The following ABCC4 variants were observed in gnomAD, a reference collection of about 807,000 sequenced individuals.
The protein encoded by ABCC4 is ATP binding cassette subfamily C member 4 (PEL blood group), also known as ATP-binding cassette sub-family C member 4.
ABCC4 carries 102 observed loss-of-function variants against 168.5 expected under a neutral mutation model. The observed-to-expected ratio is 0.61, with a 90% CI of 0.52 to 0.71. The LOEUF (loss-of-function observed/expected upper bound fraction) is 0.71. Among genes scored for constraint, ABCC4 ranks in the 30% least tolerant of loss-of-function variants. The probability of loss-of-function intolerance (pLI) is 0.00; values close to 1 mark genes in which losing one functional copy is unlikely to be tolerated. For missense variants in ABCC4, 1,402 were observed against 1,605.8 expected (o/e 0.87, Z 2.17); for synonymous variants, 617 against 590.7 (o/e 1.04, Z -0.65).
intron 8 of ABCC4, among the ~76,000 whole-genome samples, chr13:95,201,220 A>G (rs975460979): frequency 5.3e-5 from 8 of 152,210 alleles, no homozygotes; most frequent in African/African-American, 1.7e-4. Context: ...ACATGCATAC[A>G]TCTATCTACA....
At chr13:95,049,626 G>A (rs2139256071) in intron 27 of ABCC4, among the ~76,000 whole-genome samples, 1 of 151,894 alleles carries the variant, frequency 6.6e-6, no homozygotes, top group African/African-American at 2.4e-5. Context: ...GGATGACAGA[G>A]TGAGACTCTG....
chr13:95,225,026 T>C (rs1484442799), intron 4 of ABCC4, among the ~76,000 whole-genome samples: 1 of 151,904 alleles, frequency 6.6e-6, no homozygotes, highest in Non-Finnish European at 1.5e-5. Context: ...ATCCAGTAAG[T>C]CAGGATGCAA....
chr13:95,024,979 C>G (rs1434015887), intron 30 of ABCC4, among the ~76,000 whole-genome samples: 1 of 151,940 alleles, frequency 6.6e-6, no homozygotes, highest in Non-Finnish European at 1.5e-5. Flanking sequence ...GAAGAGCAAG[C>G]CTCAACAATC....
intron 30 of ABCC4, among the ~76,000 whole-genome samples, chr13:95,024,355 T>A (rs1385002644): frequency 6.6e-6 from 1 of 152,024 alleles, no homozygotes; most frequent in Non-Finnish European, 1.5e-5. Context: ...AAGAAGAGTA[T>A]CAGGTCAGTG....
chr13:95,104,326 C>T (rs1421773806), intron 20 of ABCC4, among the ~76,000 whole-genome samples: 2 of 152,166 alleles, frequency 1.3e-5, no homozygotes, highest in African/African-American at 4.8e-5. Context: ...ATTGGTCAGG[C>T]TAGTCTGGAA....
intron 26 of ABCC4, among the ~76,000 whole-genome samples, chr13:95,057,213 A>G (rs984799264): frequency 6.6e-6 from 1 of 151,996 alleles, no homozygotes; most frequent in Non-Finnish European, 1.5e-5. Context: ...AATTTTGAAT[A>G]CAAATTGAGG....
At chr13:95,062,994 C>G in intron 25 of ABCC4, 135 bp from the exon 26 acceptor site, 1 of 1,041,360 alleles carries the variant, frequency 9.6e-7, no homozygotes, top group Non-Finnish European at 1.4e-6. Flanking sequence ...TAAGAGTTTC[C>G]CAACCTCAGC....
At chr13:95,299,624 T>C (rs142152338) in intron 1 of ABCC4, among the ~76,000 whole-genome samples, 136 of 152,258 alleles carry the variant, frequency 8.9e-4, no homozygotes, top group African/African-American at 3.0e-3. Context: ...TTAGTGTATT[T>C]TATGTATGGC....
At chr13:95,214,257 AAG>A (rs2039048815) in intron 4 of ABCC4, among the ~76,000 whole-genome samples, 1 of 152,222 alleles carries the variant, frequency 6.6e-6, no homozygotes, top group South Asian at 2.1e-4. Flanking sequence ...AACAGAAAAA[AAG>A]AGTTAAGAAA....
rs539936078 is a variant in ABCC4, at chr13:95,089,455, T to C, written c.2536-6165A>G. 2.6e-5 allele frequency among the ~76,000 whole-genome samples: 4 copies of C among 152,146 alleles called. No individual in the cohort carries two copies. The East Asian group carries it at 5.8e-4, about 22-fold the overall frequency. On this transcript the variant is annotated intron_variant, in intron 20 of 30. Coordinates refer to ENST00000645237, the MANE Select transcript of ABCC4 (RefSeq NM_005845.5). Reference sequence around the variant, plus strand: ...CAACATGGTGAAACCCCGTCTCTACTAAAAATACAAAATTTAGCTAGGCGT... The same window carrying C: ...CAACATGGTGAAACCCCGTCTCTACCAAAAATACAAAATTTAGCTAGGCGT...
At chr13:95,138,451 A>C (rs1395245129) in intron 19 of ABCC4, among the ~76,000 whole-genome samples, 1 of 152,226 alleles carries the variant, frequency 6.6e-6, no homozygotes, top group East Asian at 1.9e-4. Context: ...CAAAATGGCC[A>C]CAAACAATAT....
chr13:95,099,133 T>C (rs1228604220), intron 20 of ABCC4, among the ~76,000 whole-genome samples: 1 of 151,940 alleles, frequency 6.6e-6, no homozygotes, highest in African/African-American at 2.4e-5. Context: ...AATCAGAGAG[T>C]AGACAAATAA....
chr13:95,277,898 T>C (rs1869937306), intron 1 of ABCC4, among the ~76,000 whole-genome samples: 1 of 152,168 alleles, frequency 6.6e-6, no homozygotes, highest in Non-Finnish European at 1.5e-5. Flanking sequence ...GCAGCAAGCA[T>C]GGCTAACACA....
At chr13:95,175,955 T>C (rs1180070829) in intron 13 of ABCC4, among the ~76,000 whole-genome samples, 1 of 152,058 alleles carries the variant, frequency 6.6e-6, no homozygotes, top group Non-Finnish European at 1.5e-5. Flanking sequence ...CAGGAACAGG[T>C]GCCTGCCTGC....
intron 27 of ABCC4, among the ~76,000 whole-genome samples, chr13:95,051,402 T>C (rs1041629772): frequency 1.3e-5 from 2 of 152,132 alleles, no homozygotes; most frequent in African/African-American, 2.4e-5. Context: ...GAAATTAATC[T>C]CTGTCACTCA....
intron 20 of ABCC4, chr13:95,096,113 G>A (rs939348395): frequency 2.0e-5 from 12 of 597,768 alleles, no homozygotes; most frequent in Non-Finnish European, 3.0e-5. Flanking sequence ...TTTGCTTGAG[G>A]AGGGAGGAGG....
chr13:95,236,533 C>T (rs2039774559), intron 3 of ABCC4, among the ~76,000 whole-genome samples: 1 of 152,158 alleles, frequency 6.6e-6, no homozygotes, highest in South Asian at 2.1e-4. Context: ...AAGACATTCC[C>T]ATCCCTCAGA....
intron 19 of ABCC4, among the ~76,000 whole-genome samples, chr13:95,122,859 A>G (rs1346308073): frequency 6.6e-6 from 1 of 152,166 alleles, no homozygotes; most frequent in Non-Finnish European, 1.5e-5. Context: ...CTCTACCAAA[A>G]ATACAAAACT....
rs1199527452 is a variant in ABCC4, at chr13:95,073,246, C to T, written c.2976G>A (p.Met992Ile). The change falls in exon 24 of 31, where the codon ATG becomes ATA. Residue 992 changes from methionine (M) to isoleucine (I), a missense_variant. Met to Ile is a conservative substitution (Grantham distance 10). Coordinates refer to ENST00000645237, the MANE Select transcript of ABCC4 (RefSeq NM_005845.5). Reference sequence around the variant, plus strand: ...CACTTTGTCGAACACACCACTGAAACATCCCCATGAGCGTGAGGGCATAGG... The same window carrying T: ...CACTTTGTCGAACACACCACTGAAATATCCCCATGAGCGTGAGGGCATAGG... ...ALSYALTLMG[M>I]FQWCVRQSAE... The T allele has an allele frequency of 6.2e-7, 1 of 1,613,984 alleles. No individual in the cohort carries two copies.
Sources: allele counts gnomAD v4.1 joint callset (sites outside exome capture counted in the v4.1 genomes callset), GRCh38; gene constraint gnomAD v4.1.1; transcripts MANE v1.5; gene names NCBI Gene and HGNC (gene_info 2026-07-23, HGNC 2026-07-21).